The following ZNF804B variants were observed in gnomAD, a reference collection of about 807,000 sequenced individuals.
ZNF804B encodes zinc finger 804B.
A neutral mutation model predicts 101.4 loss-of-function variants in ZNF804B; 80 were observed. The observed-to-expected ratio is 0.79, with a 90% CI of 0.66 to 0.95. ZNF804B has a LOEUF of 0.95. Among genes scored for constraint, ZNF804B ranks in the 40% least tolerant of loss-of-function variants. ZNF804B has a pLI of 0.00. For synonymous variants in ZNF804B, 622 were observed against 558.8 expected, an observed-to-expected ratio of 1.11 and a Z score of -1.59; for missense variants, 1,673 against 1,561.9, an observed-to-expected ratio of 1.07 and a Z score of -1.20.
intron 1 of ZNF804B, among the ~76,000 whole-genome samples, chr7:88,952,520 A>G (rs1370926521): frequency 6.6e-6 from 1 of 151,762 alleles, no homozygotes; most frequent in African/African-American, 2.4e-5. Context: ...ATGTTTTAGT[A>G]CTTTGATATA....
At chr7:88,873,744 T>G (rs1202746971) in intron 1 of ZNF804B, among the ~76,000 whole-genome samples, 1 of 152,196 alleles carries the variant, frequency 6.6e-6, no homozygotes, top group Non-Finnish European at 1.5e-5. Flanking sequence ...TTGCATTGCT[T>G]GTTTTTCTCA....
intron 1 of ZNF804B, among the ~76,000 whole-genome samples, chr7:88,957,920 ATG>A (rs149699439): frequency 8.0e-5 from 12 of 149,788 alleles, no homozygotes; most frequent in South Asian, 4.2e-4. Context: ...GTGTGTGCAT[ATG>A]TGTGTGTGTG....
chr7:89,157,750 G>A (rs1790998020), intron 1 of ZNF804B, among the ~76,000 whole-genome samples: 1 of 151,924 alleles, frequency 6.6e-6, no homozygotes, highest in South Asian at 2.1e-4. Flanking sequence ...TTTGGTTTGT[G>A]CACACTTATT....
At chr7:89,166,152 A>T (rs1399615927) in intron 1 of ZNF804B, among the ~76,000 whole-genome samples, 2 of 152,132 alleles carry the variant, frequency 1.3e-5, no homozygotes, top group Non-Finnish European at 2.9e-5. Flanking sequence ...GTGTGCAATT[A>T]TTTTATTGAA....
In ZNF804B at chr7:89,143,308, A is replaced by T. The variant is rs140309866; in HGVS notation, c.109-74847A>T. 3.1e-4 allele frequency among the ~76,000 whole-genome samples: 47 copies of T among 151,810 alleles called. No homozygotes were observed. The East Asian group carries it at 6.8e-3, about 22-fold the overall frequency. The stretch of plus-strand genomic sequence containing the variant: ...TTTCTCCTTCTCCAGGACATGTTGG[A>T]CACAGATTTTATTACAAACTCCATC... On this transcript the variant is annotated intron_variant, in intron 1 of 3. Transcript: ENST00000333190.
At chr7:88,812,576 A>G (rs922680814) in intron 1 of ZNF804B, among the ~76,000 whole-genome samples, 1 of 152,248 alleles carries the variant, frequency 6.6e-6, no homozygotes, top group African/African-American at 2.4e-5. Context: ...TGTTTATACC[A>G]GCACTATTCA....
At chr7:88,876,861 C>A (rs535880407) in intron 1 of ZNF804B, among the ~76,000 whole-genome samples, 2 of 149,818 alleles carry the variant, frequency 1.3e-5, no homozygotes, top group Admixed American at 6.7e-5. Context: ...AAAATATACA[C>A]CACTTAAAAA....
chr7:89,218,425 C>A (rs1015532485), intron 2 of ZNF804B, 130 bp downstream of exon 2: 2 of 1,122,796 alleles, frequency 1.8e-6, no homozygotes, highest in Admixed American at 2.8e-5. Context: ...TTTTTCCCCC[C>A]TGGAAAGGTT....
At chr7:88,940,811 A>G (rs1015545753) in intron 1 of ZNF804B, among the ~76,000 whole-genome samples, 3 of 148,606 alleles carry the variant, frequency 2.0e-5, no homozygotes, top group African/African-American at 7.3e-5. Context: ...TAATAATAGA[A>G]TGTATCTCAA....
rs1791562555 is a variant in ZNF804B at position 88,856,556 on chromosome 7, G to A, written c.108+96472G>A. Among the ~76,000 whole-genome samples, 7 of 152,138 alleles carry A rather than the reference G, an allele frequency of 4.6e-5. No homozygotes were observed. The South Asian group carries it at 1.5e-3, about 32-fold the overall frequency. ...ACACAATCATGTCGTCTGCAAACAGGGACAATTTGACTTCCTCTTTTCCTA... is the reference window on the plus strand; with the variant it reads ...ACACAATCATGTCGTCTGCAAACAGAGACAATTTGACTTCCTCTTTTCCTA... On this transcript the variant is annotated intron_variant, in intron 1 of 3. Transcript: ENST00000333190.
chr7:88,912,507 T>C (rs1257360054), intron 1 of ZNF804B, among the ~76,000 whole-genome samples: 2 of 152,166 alleles, frequency 1.3e-5, no homozygotes, highest in African/African-American at 4.8e-5. Flanking sequence ...ACAAATATTT[T>C]ATGCATTCTT....
chr7:88,813,169 T>G (rs1370578282), intron 1 of ZNF804B, among the ~76,000 whole-genome samples: 1 of 152,106 alleles, frequency 6.6e-6, no homozygotes, highest in Non-Finnish European at 1.5e-5. Flanking sequence ...CTCTCACGCC[T>G]ATAATACCAG....
At chr7:89,043,395 A>G (rs1204801004) in intron 1 of ZNF804B, among the ~76,000 whole-genome samples, 1 of 152,222 alleles carries the variant, frequency 6.6e-6, no homozygotes, top group Non-Finnish European at 1.5e-5. Context: ...ATTAACCTTC[A>G]TTGTCTCAAA....
intron 1 of ZNF804B, among the ~76,000 whole-genome samples, chr7:89,121,014 A>G (rs1217231862): frequency 1.3e-5 from 2 of 152,242 alleles, no homozygotes; most frequent in African/African-American, 4.8e-5. Context: ...CTTAGTCATC[A>G]TAAAATGTGC....
In ZNF804B at chr7:89,335,647, A is replaced by T; in HGVS notation, c.2665A>T (p.Met889Leu). The change falls in exon 4 of 4, where the codon ATG (methionine) becomes TTG (leucine). Residue 889 changes from methionine to leucine, a missense_variant. By Grantham distance (15) the Met-to-Leu change is conservative. Transcript: ENST00000333190. ...TTGTGATCTGGGAAAAGTCAGGCCC[A>T]TGAAGTGTAACTCCGGGAATATCAG... ...HICDLGKVRP[M>L]KCNSGNISCL... 6.2e-7 allele frequency: 1 copy of T among 1,614,030 alleles called. No homozygotes were observed. The highest frequency in any genetic ancestry group is 8.5e-7 in the Non-Finnish European group (1 of 1,179,978).
At chr7:89,327,105 C>G (rs1790907739) in intron 2 of ZNF804B, among the ~76,000 whole-genome samples, 2 of 145,678 alleles carry the variant, frequency 1.4e-5, no homozygotes, top group African/African-American at 5.6e-5. Flanking sequence ...ACCAGCGAGG[C>G]CTGGGGCCCA....
intron 1 of ZNF804B, among the ~76,000 whole-genome samples, chr7:88,838,438 C>T (rs1404293715): frequency 6.6e-6 from 1 of 151,818 alleles, no homozygotes; most frequent in Non-Finnish European, 1.5e-5. Flanking sequence ...TAGAGTAGAA[C>T]ACATGGGATA....
At chr7:89,171,337 CTTCTTCTTCT>C (rs1562904490) in intron 1 of ZNF804B, among the ~76,000 whole-genome samples, 13 of 131,286 alleles carry the variant, frequency 9.9e-5, no homozygotes, top group African/African-American at 3.7e-4. Context: ...TCTTCTTCTT[CTTCTTCTTCT>C]TCTTCTTCTT....
chr7:89,328,429 A>T (rs1233182377), intron 3 of ZNF804B, among the ~76,000 whole-genome samples: 2 of 151,896 alleles, frequency 1.3e-5, no homozygotes, highest in African/African-American at 2.4e-5. Flanking sequence ...GAAATGAGAA[A>T]TTTCATATGA....
Sources: allele counts gnomAD v4.1 joint callset (sites outside exome capture counted in the v4.1 genomes callset), GRCh38; gene constraint gnomAD v4.1.1; transcripts MANE v1.5; gene names NCBI Gene and HGNC (gene_info 2026-07-23, HGNC 2026-07-21).